Variants in TAOK3 observed in about 807,000 individuals in gnomAD.
TAOK3 encodes the protein serine/threonine-protein kinase TAO3.
A neutral mutation model predicts 120.4 loss-of-function variants in TAOK3; 40 were observed. That is an observed-to-expected ratio of 0.33 (90% CI 0.26 to 0.43). The LOEUF (loss-of-function observed/expected upper bound fraction) is 0.43. TAOK3 is among the 20% of genes least tolerant of loss of function. TAOK3 has a pLI of 1.00. For missense variants in TAOK3, 821 were observed against 1,112.1 expected (o/e 0.74, Z 3.72); for synonymous variants, 355 against 387.5 (o/e 0.92, Z 0.99).
chr12:118,172,803 A>AT (rs200061853), intron 16 of TAOK3, 143 bp from the exon 17 acceptor site: 15,293 of 690,220 alleles, frequency 0.022, 269 homozygotes, highest in Non-Finnish European at 0.025. Context: ...CCTTCCCCCA[A>AT]TTTTTTTTAT....
intron 1 of TAOK3, among the ~76,000 whole-genome samples, chr12:118,316,816 A>G (rs1026262802): frequency 6.6e-6 from 1 of 152,224 alleles, no homozygotes; most frequent in African/African-American, 2.4e-5. Flanking sequence ...TAAAAATAAC[A>G]AAATCAGTTG....
Position 118,254,435 on chromosome 12 carries a change from C to T in TAOK3, c.120+1013G>A, listed in dbSNP as rs192283774. On this transcript the variant is annotated intron_variant, in intron 3 of 20. Coordinates refer to ENST00000392533, the MANE Select transcript of TAOK3 (RefSeq NM_016281.4). Reference sequence around the variant, plus strand: ...ATAGACATAAACCCTGTCCTCATGACACTTGTTATTTAGGGAAAAAGACAT... The same window carrying T: ...ATAGACATAAACCCTGTCCTCATGATACTTGTTATTTAGGGAAAAAGACAT... Among the ~76,000 whole-genome samples, 4 of 151,240 alleles carry T rather than the reference C, an allele frequency of 2.6e-5. No individual in the cohort carries two copies. In the East Asian group the frequency reaches 5.8e-4, roughly 22 times the overall value.
intron 1 of TAOK3, among the ~76,000 whole-genome samples, chr12:118,289,472 C>A (rs2042393545): frequency 6.6e-6 from 1 of 151,076 alleles, no homozygotes; most frequent in South Asian, 2.1e-4. Flanking sequence ...TTGTCTATAC[C>A]CAAGAACTTA....
At position 118,181,458 on chromosome 12, in the gene TAOK3, T is replaced by C. The variant is rs1280315500; in HGVS notation, c.1479A>G (p.Leu493=). ...KAEMDEHRLK[L]QKEVETHANN... is the part of the protein sequence containing the mutation. ...TGGCATGCGTCTCCACCTCCTTCTG[T>C]AGCTTGAGGCGGTGCTCGTCCATCT... is the stretch of plus-strand genomic sequence containing the variant. The change falls in exon 15 of 21, where the codon CTA becomes CTG. Residue 493 remains leucine (L), a synonymous_variant. Transcript: ENST00000392533. 1.2e-6 allele frequency: 2 copies of C among 1,614,082 alleles called. No individual in the cohort carries two copies. Among genetic ancestry groups the C allele is most frequent in the African/African-American group, 1.3e-5 (1 of 74,934 alleles).
chr12:118,188,980 G>A (rs1051752844), intron 14 of TAOK3, among the ~76,000 whole-genome samples: 1 of 152,174 alleles, frequency 6.6e-6, no homozygotes, highest in Non-Finnish European at 1.5e-5. Flanking sequence ...GGGGGCCGAG[G>A]GGAGGAGGCA....
At chr12:118,338,265 TGTG>T (rs2044448912) in intron 1 of TAOK3, among the ~76,000 whole-genome samples, 1 of 152,138 alleles carries the variant, frequency 6.6e-6, no homozygotes, top group Admixed American at 6.5e-5. Flanking sequence ...ATGTCACAAT[TGTG>T]ATTATATGGA....
intron 3 of TAOK3, chr12:118,246,607 G>T: frequency 1.3e-6 from 2 of 1,573,650 alleles, no homozygotes. Context: ...AACAAGATCG[G>T]CAAGCCCCAC....
Position 118,315,150 on chromosome 12 carries a change from C to G in TAOK3, c.-193-48391G>C, listed in dbSNP as rs187808220. Among the ~76,000 whole-genome samples the G allele has an allele frequency of 3.6e-3, 542 of 152,218 alleles. 1 individual carries two copies. The highest frequency in any genetic ancestry group is 0.012 in the African/African-American group (501 of 41,534). ...TTCACCATGTTGGTCATGGTGAACT[C>G]CTGACCTCAAGTGATCTGCCCGCCT... On this transcript the variant is annotated intron_variant, in intron 1 of 20. Transcript: ENST00000392533.
At chr12:118,289,893 G>A (rs1469848262) in intron 1 of TAOK3, among the ~76,000 whole-genome samples, 2 of 151,886 alleles carry the variant, frequency 1.3e-5, no homozygotes, top group East Asian at 1.9e-4. Flanking sequence ...TCCTTGGGAG[G>A]CTGAGGCAGG....
intron 13 of TAOK3, among the ~76,000 whole-genome samples, chr12:118,197,064 A>G (rs1323838479): frequency 2.0e-5 from 3 of 152,160 alleles, no homozygotes; most frequent in Non-Finnish European, 1.5e-5. Flanking sequence ...TTTTATTTCT[A>G]TTGTTTTTAA....
chr12:118,151,212 A>G (rs2034381057), intron 20 of TAOK3, 54 bp from the exon 21 acceptor site: 2 of 1,589,966 alleles, frequency 1.3e-6, no homozygotes, highest in African/African-American at 2.7e-5. Context: ...ACAGGCACCC[A>G]CGTGCACGCG....
intron 5 of TAOK3, among the ~76,000 whole-genome samples, chr12:118,240,870 T>C (rs2040221140): frequency 6.6e-6 from 1 of 151,940 alleles, no homozygotes; most frequent in Non-Finnish European, 1.5e-5. Context: ...AAAAAATTAA[T>C]GTGAAAATAT....
intron 15 of TAOK3, among the ~76,000 whole-genome samples, 170 bp downstream of exon 15, chr12:118,181,201 C>T (rs2036697352): frequency 6.6e-6 from 1 of 152,124 alleles, no homozygotes; most frequent in Non-Finnish European, 1.5e-5. Context: ...GCTATTTTAG[C>T]TCTGAACGAC....
intron 11 of TAOK3, among the ~76,000 whole-genome samples, chr12:118,201,960 T>G (rs1192611678): frequency 6.6e-6 from 1 of 152,050 alleles, no homozygotes; most frequent in East Asian, 1.9e-4. Flanking sequence ...CTTTCATCTT[T>G]CCATTCCCCA....
At chr12:118,354,913 C>T (rs2045329442) in intron 1 of TAOK3, among the ~76,000 whole-genome samples, 1 of 151,878 alleles carries the variant, frequency 6.6e-6, no homozygotes, top group South Asian at 2.1e-4. Context: ...CAGACTAATA[C>T]ATCCTGTCTC....
At chr12:118,318,160 T>TC (rs1170496006) in intron 1 of TAOK3, among the ~76,000 whole-genome samples, 3 of 140,762 alleles carry the variant, frequency 2.1e-5, no homozygotes, top group East Asian at 4.1e-4. Context: ...CTATAAAACT[T>TC]TTTTTTTTTT....
At chr12:118,304,672 A>ATAACAT (rs2140754006) in intron 1 of TAOK3, among the ~76,000 whole-genome samples, 1 of 152,336 alleles carries the variant, frequency 6.6e-6, no homozygotes, top group African/African-American at 2.4e-5. Context: ...TGAATGTTAT[A>ATAACAT]TGTGTACAAC....
intron 1 of TAOK3, among the ~76,000 whole-genome samples, chr12:118,332,499 G>A (rs2044193426): frequency 6.6e-6 from 1 of 151,998 alleles, no homozygotes; most frequent in Non-Finnish European, 1.5e-5. Flanking sequence ...GCAGGCCAAT[G>A]GACATCTCCA....
chr12:118,212,045 G>A (rs144631523), intron 11 of TAOK3, among the ~76,000 whole-genome samples: 17 of 152,198 alleles, frequency 1.1e-4, no homozygotes, highest in African/African-American at 3.6e-4. Flanking sequence ...GTGGCCTACC[G>A]CTCACAAGAA....
Sources: allele counts gnomAD v4.1 joint callset (sites outside exome capture counted in the v4.1 genomes callset), GRCh38; gene constraint gnomAD v4.1.1; transcripts MANE v1.5; gene names NCBI Gene and HGNC (gene_info 2026-07-23, HGNC 2026-07-21).